MAGI2: variants seen among roughly 807,000 people sequenced by gnomAD.
MAGI2 encodes membrane associated guanylate kinase, WW and PDZ domain containing 2.
In MAGI2, 35 loss-of-function variants were observed where a neutral mutation model predicts 133.3. The observed-to-expected ratio is 0.26, with a 90% confidence interval of 0.20 to 0.35. MAGI2 has a LOEUF of 0.35. Among genes scored for constraint, MAGI2 ranks in the 10% least tolerant of loss-of-function variants. MAGI2 has a pLI of 1.00. For synonymous variants in MAGI2, 729 were observed against 710.6 expected (o/e 1.03, Z -0.41); for missense variants, 1,636 against 1,863.4 (o/e 0.88, Z 2.25).
intron 1 of MAGI2, among the ~76,000 whole-genome samples, chr7:79,392,527 CCTGA>C (rs1260776958): frequency 6.6e-6 from 1 of 152,156 alleles, no homozygotes; most frequent in Non-Finnish European, 1.5e-5. Context: ...TCTTTTGTTT[CCTGA>C]CTTTTTAATA....
chr7:79,003,068 C>A (rs998583572), intron 2 of MAGI2, among the ~76,000 whole-genome samples: 16 of 151,944 alleles, frequency 1.1e-4, no homozygotes, highest in Non-Finnish European at 5.9e-5. Context: ...CCTAGACTAA[C>A]CACCTTCCTC....
chr7:79,346,513 A>G (rs144821272), intron 1 of MAGI2, among the ~76,000 whole-genome samples: 9 of 151,946 alleles, frequency 5.9e-5, no homozygotes, highest in African/African-American at 1.9e-4. Flanking sequence ...GCACTATTTT[A>G]TCTTGCTCAT....
intron 1 of MAGI2, among the ~76,000 whole-genome samples, chr7:79,394,137 A>T (rs1248967867): frequency 2.0e-5 from 3 of 152,058 alleles, no homozygotes; most frequent in Non-Finnish European, 2.9e-5. Context: ...CCGGCACCTC[A>T]CCTGGTTCTA....
intron 7 of MAGI2, among the ~76,000 whole-genome samples, chr7:78,368,415 T>C (rs1200255841): frequency 6.6e-6 from 1 of 152,178 alleles, no homozygotes; most frequent in Non-Finnish European, 1.5e-5. Flanking sequence ...ATAAGGAATA[T>C]GTAGGCTTTG....
intron 21 of MAGI2, among the ~76,000 whole-genome samples, chr7:78,024,974 TAA>T (rs1355678896): frequency 6.6e-6 from 1 of 152,188 alleles, no homozygotes; most frequent in African/African-American, 2.4e-5. Context: ...CTTTGAGACA[TAA>T]ATTAGATCAT....
chr7:79,243,627 G>T (rs1244994363), intron 1 of MAGI2, among the ~76,000 whole-genome samples: 2 of 152,108 alleles, frequency 1.3e-5, no homozygotes, highest in Non-Finnish European at 2.9e-5. Flanking sequence ...CTTACTTTGG[G>T]GACATTCTGG....
chr7:78,591,522 T>C (rs1477282432), intron 3 of MAGI2, among the ~76,000 whole-genome samples: 4 of 152,184 alleles, frequency 2.6e-5, no homozygotes, highest in Non-Finnish European at 5.9e-5. Flanking sequence ...GAGGTCAGGA[T>C]GATATATGAT....
intron 3 of MAGI2, among the ~76,000 whole-genome samples, chr7:78,534,882 C>T (rs542407514): frequency 6.6e-5 from 10 of 152,268 alleles, no homozygotes; most frequent in African/African-American, 2.4e-4. Flanking sequence ...CGCCTATAAT[C>T]CCAGCACTTT....
intron 1 of MAGI2, among the ~76,000 whole-genome samples, chr7:79,377,766 C>T (rs915330944): frequency 6.6e-5 from 10 of 151,688 alleles, no homozygotes; most frequent in African/African-American, 2.2e-4. Flanking sequence ...AAATTGAGTG[C>T]CTACAACAAA....
chr7:79,211,426 C>G (rs1829485798), intron 1 of MAGI2, among the ~76,000 whole-genome samples: 1 of 151,658 alleles, frequency 6.6e-6, no homozygotes, highest in African/African-American at 2.4e-5. Flanking sequence ...TACAGTGCAC[C>G]ACTATGTCCG....
chr7:78,142,169 C>A (rs1822828887), intron 16 of MAGI2, among the ~76,000 whole-genome samples: 1 of 152,100 alleles, frequency 6.6e-6, no homozygotes, highest in African/African-American at 2.4e-5. Flanking sequence ...CTCAAAAGGG[C>A]CTGGTGTTTG....
chr7:79,195,664 G>T (rs969949693), intron 1 of MAGI2, among the ~76,000 whole-genome samples: 4 of 151,858 alleles, frequency 2.6e-5, no homozygotes, highest in Non-Finnish European at 5.9e-5. Context: ...TAATCCTTAA[G>T]ACCACGGCAC....
At chr7:78,279,568 A>G (rs1171075384) in intron 9 of MAGI2, among the ~76,000 whole-genome samples, 2 of 152,124 alleles carry the variant, frequency 1.3e-5, no homozygotes, top group Non-Finnish European at 2.9e-5. Context: ...TGCAGCTAGG[A>G]AATAAAGAAG....
intron 3 of MAGI2, among the ~76,000 whole-genome samples, chr7:78,602,894 C>A (rs1015344380): frequency 6.6e-6 from 1 of 152,124 alleles, no homozygotes; most frequent in African/African-American, 2.4e-5. Flanking sequence ...AGATTTTATT[C>A]ATTCTTTGAT....
chr7:78,125,902 G>T (rs1584031050), intron 19 of MAGI2, 65 bp from the exon 20 acceptor site: 13 of 1,481,676 alleles, frequency 8.8e-6, no homozygotes, highest in Non-Finnish European at 1.1e-5. Context: ...TCTGTGGCTA[G>T]TCTCTGTGTT....
chr7:78,319,782 C>G (rs1035469205), intron 9 of MAGI2, among the ~76,000 whole-genome samples: 1 of 152,050 alleles, frequency 6.6e-6, no homozygotes, highest in Admixed American at 6.5e-5. Context: ...AAGATCAGAG[C>G]AGAACTGAAG....
At chr7:78,563,832 G>A (rs1220839110) in intron 3 of MAGI2, among the ~76,000 whole-genome samples, 2 of 152,104 alleles carry the variant, frequency 1.3e-5, no homozygotes, top group African/African-American at 2.4e-5. Flanking sequence ...AAAATATTAC[G>A]CACTAACGTT....
intron 1 of MAGI2, among the ~76,000 whole-genome samples, chr7:79,028,048 C>T (rs1439401746): frequency 1.3e-5 from 2 of 151,080 alleles, no homozygotes; most frequent in Non-Finnish European, 2.9e-5. Context: ...CCCGTCTCTA[C>T]TAAAAATACA....
intron 6 of MAGI2, among the ~76,000 whole-genome samples, chr7:78,419,908 T>A (rs995244177): frequency 6.6e-6 from 1 of 152,046 alleles, no homozygotes; most frequent in Non-Finnish European, 1.5e-5. Context: ...GAAACACTTG[T>A]TGGGGGTTGA....
Sources: gnomAD v4.1 joint callset for allele counts (sites outside exome capture counted in the v4.1 genomes callset) on GRCh38, gnomAD v4.1.1 for gene constraint, MANE v1.5 for transcripts, NCBI Gene and HGNC (gene_info 2026-07-23, HGNC 2026-07-21) for gene names.